Variants in EIF4B observed in about 807,000 individuals in gnomAD.
EIF4B encodes eukaryotic translation initiation factor 4B.
EIF4B carries 8 observed loss-of-function variants against 79.3 expected under a neutral mutation model. The ratio of observed to expected loss-of-function variants is 0.10; its 90% CI spans 0.06 to 0.18. EIF4B has a LOEUF of 0.18. Ranked by LOEUF, EIF4B falls within the 10% of genes least tolerant of loss-of-function variation. EIF4B has a pLI of 1.00. For synonymous variants in EIF4B, 238 were observed against 274.7 expected (o/e 0.87, Z 1.32); for missense variants, 515 against 792.4 (o/e 0.65, Z 4.20).
intron 1 of EIF4B, among the ~76,000 whole-genome samples, chr12:53,006,704 T>A (rs906850479): frequency 1.3e-5 from 2 of 151,494 alleles, no homozygotes; most frequent in African/African-American, 4.9e-5. Context: ...CCCCTCACAC[T>A]CTTTTCACCC....
chr12:53,034,617 C>G lies in EIF4B; in HGVS notation c.1214C>G (p.Pro405Arg). Reference protein sequence around the residue: ...KLERRPRERHPSWRSEETQER... With the variant: ...KLERRPRERHRSWRSEETQER... ...TTTGTGAATCTCTCGTACAGACACC[C>G]AAGCTGGCGAAGTGAAGAAACTCAG... The change falls in exon 10 of 15, where the codon CCA becomes CGA. Residue 405 changes from proline (P) to arginine (R), a missense_variant. Around this residue, in one of 6 missense-constraint regions of EIF4B, gnomAD observed 146 missense variants for 228.0 expected, o/e 0.64. Coordinates refer to ENST00000262056, the MANE Select transcript of EIF4B (RefSeq NM_001417.7). The G allele has an allele frequency of 1.2e-6, 2 of 1,613,922 alleles. No homozygotes were observed. The highest frequency in any genetic ancestry group is 1.7e-6 in the Non-Finnish European group (2 of 1,179,862).
rs75985553 is a variant in EIF4B at position 53,018,543 on chromosome 12, T to C, written c.152-255T>C. 7.0e-3 allele frequency among the ~76,000 whole-genome samples: 1,059 copies of C among 152,278 alleles called. 34 individuals carry two copies. In the East Asian group the frequency reaches 0.085, roughly 12 times the overall value. On this transcript the variant is annotated intron_variant, in intron 2 of 14. Transcript: ENST00000262056. Reference sequence around the variant, plus strand: ...TGGGATATAATGAATATAAAGTAGCTGGCACACAGTAATATTCCATAAAGA... The same window carrying C: ...TGGGATATAATGAATATAAAGTAGCCGGCACACAGTAATATTCCATAAAGA...
chr12:53,027,834 G>A lies in EIF4B; in HGVS notation c.720G>A (p.Gly240=), dbSNP rs781714218. The A allele has an allele frequency of 6.2e-7, 1 of 1,612,478 alleles. No individual in the cohort carries two copies. The part of the protein sequence containing the change: ...SDRYRDGYRD[G]YRDGPRRDMD... ...GGTATCGGGATGGGTATCGGGATGG[G>A]TATCGGGATGGCCCACGCCGGGATA... Residue 240 remains glycine (G), a synonymous_variant, in exon 7 of 15, where the codon GGG becomes GGA. Transcript: ENST00000262056.
Position 53,041,540 on chromosome 12 carries a change from G to A in EIF4B, c.*1317G>A, listed in dbSNP as rs1337253658. 6.6e-6 allele frequency: 1 copy of A among 151,732 alleles called. No individual in the cohort carries two copies. Among genetic ancestry groups the A allele is most frequent in the Non-Finnish European group, 1.5e-5 (1 of 67,954 alleles). The allele number at this position is 151,732 out of a possible 1,614,324, so 9.4% of individuals were successfully genotyped here. A position where few individuals can be genotyped will look rare whatever the true frequency, so the allele number is the denominator to read the frequency against. The stretch of plus-strand genomic sequence containing the variant: ...TTAAGCTTCCCTTGAGAGAATAAAT[G>A]GTAATGGAGAGAACTATTTAACAAG... On this transcript the variant is annotated 3_prime_UTR_variant, in exon 15 of 15. Transcript: ENST00000262056.
chr12:53,021,747 C>G (rs751170190), intron 4 of EIF4B, 59 bp from the exon 5 acceptor site: 17 of 1,601,502 alleles, frequency 1.1e-5, no homozygotes, highest in Non-Finnish European at 1.5e-5. Context: ...TTCAAGGTCA[C>G]TCAAGGGATT....
chr12:53,039,120 G>A (rs1943587617), intron 12 of EIF4B, 118 bp from the exon 13 acceptor site: 2 of 656,194 alleles, frequency 3.0e-6, no homozygotes, highest in Non-Finnish European at 5.2e-6. Flanking sequence ...GGGTTGGGGT[G>A]AGGTTAGTTT....
chr12:53,036,314 A>C (rs1437766744), intron 10 of EIF4B, among the ~76,000 whole-genome samples: 1 of 151,582 alleles, frequency 6.6e-6, no homozygotes, highest in Non-Finnish European at 1.5e-5. Flanking sequence ...GGGTTTCACC[A>C]TGTTGGCCAG....
intron 8 of EIF4B, among the ~76,000 whole-genome samples, chr12:53,028,675 G>C (rs1489933545): frequency 6.6e-6 from 1 of 151,834 alleles, no homozygotes; most frequent in African/African-American, 2.4e-5. Flanking sequence ...TGAATAAACA[G>C]TAGAAATGGA....
intron 11 of EIF4B, chr12:53,037,912 A>T: frequency 2.4e-6 from 1 of 421,552 alleles, no homozygotes; most frequent in South Asian, 3.0e-5. Flanking sequence ...GCAGTATGGT[A>T]GGGGGTAACT....
chr12:53,021,967 T>A (rs757084201), intron 5 of EIF4B, 107 bp downstream of exon 5: 7 of 1,327,804 alleles, frequency 5.3e-6, no homozygotes, highest in Non-Finnish European at 7.5e-6. Context: ...TGCCTGAATC[T>A]ACAGTAACAG....
rs1943255500 is a variant in EIF4B, at chr12:53,022,145, A to G, written c.532+285A>G. 14 of 656,844 alleles carry G rather than the reference A, an allele frequency of 2.1e-5. No homozygotes were observed. In the South Asian group the frequency reaches 2.3e-4, roughly 11 times the overall value. The allele number at this position is 656,844 out of a possible 1,614,324, so 40.7% of individuals were successfully genotyped here. A position where few individuals can be genotyped will look rare whatever the true frequency, so the allele number is the denominator to read the frequency against. On this transcript the variant is annotated intron_variant, in intron 5 of 14. Transcript: ENST00000262056. The stretch of plus-strand genomic sequence containing the variant: ...AATTATGCAGCCCAAAATGCATGTC[A>G]AGATTGAGAAGACTGATTGATCTAG...
intron 5 of EIF4B, 95 bp downstream of exon 5, chr12:53,021,955 C>T: frequency 6.9e-7 from 1 of 1,441,796 alleles, no homozygotes; most frequent in Non-Finnish European, 9.7e-7. Context: ...TAGTGGTGGG[C>T]CTGCCTGAAT....
intron 8 of EIF4B, among the ~76,000 whole-genome samples, chr12:53,030,575 C>T (rs1248769847): frequency 6.6e-6 from 1 of 151,268 alleles, no homozygotes; most frequent in Non-Finnish European, 1.5e-5. Context: ...CCACGCCCGG[C>T]TAATTTTTGT....
At chr12:53,035,881 G>C (rs1176779570) in intron 10 of EIF4B, among the ~76,000 whole-genome samples, 4 of 151,418 alleles carry the variant, frequency 2.6e-5, no homozygotes, top group Non-Finnish European at 5.9e-5. Flanking sequence ...GCAGTGGCAC[G>C]ATTTTGGCTC....
At chr12:53,020,239 G>A (rs575455528) in intron 4 of EIF4B, among the ~76,000 whole-genome samples, 1 of 152,280 alleles carries the variant, frequency 6.6e-6, no homozygotes, top group South Asian at 2.1e-4. Context: ...ATTTAGATAG[G>A]TACTTAGGTG....
rs1943375657 is a variant in EIF4B, at chr12:53,028,290, T to C, written c.979+102T>C. 89 of 1,427,702 alleles carry C rather than the reference T, an allele frequency of 6.2e-5. No individual in the cohort carries two copies. In the South Asian group the frequency reaches 1.2e-3, roughly 20 times the overall value. The allele number at this position is 1,427,702 out of a possible 1,614,324, so 88.4% of individuals were successfully genotyped here. A position where few individuals can be genotyped will look rare whatever the true frequency, so the allele number is the denominator to read the frequency against. On this transcript the variant is annotated intron_variant, in intron 8 of 14. Coordinates refer to ENST00000262056, the MANE Select transcript of EIF4B (RefSeq NM_001417.7). ...CTACTGAGTTGGGCACAAATATAAT[T>C]TGCACATTGTACAGGAAGCAGCAAA...
At position 53,012,675 on chromosome 12, in the gene EIF4B, A is replaced by G. The variant is rs7970441; in HGVS notation, c.14-3798A>G. ...GGCTGGAGTGCAGTGGCACGATCTC[A>G]GCTCACTGCAAGCTCCGCCTCCCGG... On this transcript the variant is annotated intron_variant, in intron 1 of 14. Coordinates refer to ENST00000262056, the MANE Select transcript of EIF4B (RefSeq NM_001417.7). Among the ~76,000 whole-genome samples, 6 of 143,298 alleles carry G rather than the reference A, an allele frequency of 4.2e-5. No homozygotes were observed. The East Asian group carries it at 6.2e-4, about 15-fold the overall frequency. 94.0% of individuals were successfully genotyped at this position (143,298 alleles called of 152,430 possible). A position where few individuals can be genotyped will look rare whatever the true frequency, so the allele number is the denominator to read the frequency against.
chr12:53,040,170 G>A lies in EIF4B; in HGVS notation c.1783G>A (p.Ala595Thr), dbSNP rs1943608854. 6.2e-7 allele frequency: 1 copy of A among 1,614,034 alleles called. No individual in the cohort carries two copies. Among genetic ancestry groups the A allele is most frequent in the Admixed American group, 1.7e-5 (1 of 59,990 alleles). Residue 595 changes from alanine (A) to threonine (T), a missense_variant, in exon 15 of 15, where the codon GCT (alanine) becomes ACT (threonine). Physicochemically the swap from Ala to Thr is moderately conservative, Grantham distance 58. Coordinates refer to ENST00000262056, the MANE Select transcript of EIF4B (RefSeq NM_001417.7). ...SKFSSASKYA[A>T]LSVDGEDENE... The stretch of plus-strand genomic sequence containing the variant: ...GTTCAGTTCTGCAAGCAAGTATGCT[G>A]CTCTCTCTGTTGATGGTGAAGATGA...
chr12:53,031,054 G>A (rs895003862), intron 8 of EIF4B, among the ~76,000 whole-genome samples: 2 of 151,518 alleles, frequency 1.3e-5, no homozygotes, highest in Non-Finnish European at 2.9e-5. Flanking sequence ...TGCTACCTTC[G>A]TTGAGGCCTC....
Sources: gnomAD v4.1 joint callset for allele counts (sites outside exome capture counted in the v4.1 genomes callset) on GRCh38, gnomAD v4.1.1 for gene constraint, gnomAD v4.1.1 regional missense constraint, MANE v1.5 for transcripts, NCBI Gene and HGNC (gene_info 2026-07-23, HGNC 2026-07-21) for gene names.